The following ANK1 variants were observed in gnomAD, a reference collection of about 807,000 sequenced individuals.
The protein encoded by ANK1 is ankyrin 1, also known as ankyrin-1.
In ANK1, 51 loss-of-function variants were observed where a neutral mutation model predicts 210.4. The ratio of observed to expected loss-of-function variants is 0.24; its 90% confidence interval spans 0.19 to 0.31. The LOEUF (loss-of-function observed/expected upper bound fraction) is 0.31, where lower values mean the gene tolerates loss of function less well. ANK1 is among the 10% of genes least tolerant of loss of function. ANK1 has a pLI of 1.00. For missense variants in ANK1, 2,051 were observed against 2,504.4 expected (o/e 0.82, Z 3.86); for synonymous variants, 967 against 1,025.9 (o/e 0.94, Z 1.10).
At chr8:41,775,919 G>T (rs988106173) in intron 1 of ANK1, among the ~76,000 whole-genome samples, 39 of 152,184 alleles carry the variant, frequency 2.6e-4, no homozygotes, top group African/African-American at 9.2e-4. Flanking sequence ...TACAATGTGT[G>T]AGCCAGGTAT....
chr8:41,680,496 G>GA (rs1210535625), intron 37 of ANK1, among the ~76,000 whole-genome samples: 3 of 150,816 alleles, frequency 2.0e-5, no homozygotes, highest in African/African-American at 4.9e-5. Flanking sequence ...CCGGGAGGCA[G>GA]AGAGGTTGCA....
intron 1 of ANK1, among the ~76,000 whole-genome samples, chr8:41,875,972 C>A (rs569358151): frequency 5.9e-5 from 9 of 152,128 alleles, no homozygotes; most frequent in African/African-American, 2.2e-4. Context: ...ACTCGCACAC[C>A]TGCCCGCGCG....
chr8:41,714,174 G>A lies in ANK1; in HGVS notation c.1782C>T (p.Ser594=), dbSNP rs61753679. The A allele has an allele frequency of 2.1e-6, 3 of 1,443,270 alleles. No homozygotes were observed. The highest frequency in any genetic ancestry group is 4.9e-5 in the East Asian group (2 of 41,130). The allele number at this position is 1,443,270 out of a possible 1,614,324, so 89.4% of individuals were successfully genotyped here. ...IVKLLLPRGG[S]PHSPAWNGYT... The stretch of plus-strand genomic sequence containing the variant: ...GCCTTACCCAGGCAGGGCTGTGCGG[G>A]GAGCCGCCCCGGGGAAGCAGCAGCT... The change falls in exon 16 of 43, where the codon TCC becomes TCT. Residue 594 remains serine (S), a synonymous_variant. Transcript: ENST00000289734.
At chr8:41,718,010 C>T in intron 11 of ANK1, 96 bp downstream of exon 11, 1 of 1,195,626 alleles carries the variant, frequency 8.4e-7, no homozygotes. Flanking sequence ...ACACACACCC[C>T]TGCAGCCATA....
chr8:41,724,859 C>T (rs1011365085), intron 6 of ANK1, among the ~76,000 whole-genome samples: 1 of 152,064 alleles, frequency 6.6e-6, no homozygotes, highest in Admixed American at 6.6e-5. Context: ...GGGCTATGGT[C>T]TTTTTTTCCT....
Position 41,688,233 on chromosome 8 carries a change from G to A in ANK1, c.4184-3C>T, listed in dbSNP as rs1249459107. On this transcript the variant is annotated splice_polypyrimidine_tract_variant and splice_region_variant and intron_variant, in intron 34 of 42. Coordinates refer to ENST00000289734, the MANE Select transcript of ANK1 (RefSeq NM_000037.4). ...CTGCTCTGTCCCACTGAGAGAACCT[G>A]GGGAGAAGCATTAGATTTCATTTAG... is the stretch of plus-strand genomic sequence containing the variant. 2 of 1,613,980 alleles carry A rather than the reference G, an allele frequency of 1.2e-6. No individual in the cohort carries two copies. Among genetic ancestry groups the A allele is most frequent in the Admixed American group, 1.7e-5 (1 of 60,010 alleles).
chr8:41,727,366 A>G lies in ANK1; in HGVS notation c.328-18T>C, dbSNP rs1830965166. 1.9e-6 allele frequency: 3 copies of G among 1,582,124 alleles called. No individual in the cohort carries two copies. The highest frequency in any genetic ancestry group is 2.6e-6 in the Non-Finnish European group (3 of 1,151,332). On this transcript the variant is annotated intron_variant, in intron 4 of 42. Coordinates refer to ENST00000289734, the MANE Select transcript of ANK1 (RefSeq NM_000037.4). ...AAACCTTTCTGTAAACCAAGAGAGG[A>G]CATCATTAGCATCCACCCGCAATTT... is the stretch of plus-strand genomic sequence containing the variant.
At chr8:41,825,732 C>T (rs750544351) in intron 1 of ANK1, among the ~76,000 whole-genome samples, 5 of 152,130 alleles carry the variant, frequency 3.3e-5, no homozygotes, top group Non-Finnish European at 5.9e-5. Flanking sequence ...GGGAGGGACC[C>T]GGTGGGAGGT....
intron 37 of ANK1, among the ~76,000 whole-genome samples, chr8:41,678,015 C>T (rs1814759173): frequency 1.3e-5 from 2 of 152,198 alleles, no homozygotes; most frequent in Admixed American, 6.5e-5. Context: ...TTTGACCAGT[C>T]TGCTAATAAT....
intron 1 of ANK1, among the ~76,000 whole-genome samples, chr8:41,865,760 C>T (rs183924003): frequency 9.2e-5 from 14 of 152,210 alleles, no homozygotes; most frequent in Admixed American, 3.9e-4. Context: ...AGGTTCAGTC[C>T]GCTTCTTCCC....
At chr8:41,890,345 T>C (rs935040673) in intron 1 of ANK1, among the ~76,000 whole-genome samples, 3 of 152,226 alleles carry the variant, frequency 2.0e-5, no homozygotes, top group African/African-American at 7.2e-5. Flanking sequence ...GGTGGAGTTT[T>C]GAGCTTCTCA....
chr8:41,683,060 G>T (rs940944785), intron 37 of ANK1, among the ~76,000 whole-genome samples: 2 of 147,688 alleles, frequency 1.4e-5, no homozygotes, highest in Non-Finnish European at 2.9e-5. Context: ...GTATGCACAC[G>T]CACACACATG....
At chr8:41,772,761 C>G (rs1206675812) in intron 1 of ANK1, among the ~76,000 whole-genome samples, 1 of 152,228 alleles carries the variant, frequency 6.6e-6, no homozygotes, top group African/African-American at 2.4e-5. Flanking sequence ...CCAGCTGACC[C>G]GTTGGGCTCT....
In ANK1 at chr8:41,698,066, T is replaced by C. The variant is rs758431224; in HGVS notation, c.2614A>G (p.Ile872Val). 4 of 1,614,016 alleles carry C rather than the reference T, an allele frequency of 2.5e-6. No homozygotes were observed. The East Asian group carries it at 6.7e-5, about 27-fold the overall frequency. The stretch of plus-strand genomic sequence containing the variant: ...ACCTGCTCCTGCTCTTCTGACCTGA[T>C]CACCACTGTCTCAGGCATGGCACAG... ...IPCAMPETVVIRSEEQEQASK... is the reference protein window; with the variant it reads ...IPCAMPETVVVRSEEQEQASK... Residue 872 changes from isoleucine to valine, a missense_variant, in exon 24 of 43, where the codon ATC becomes GTC. By Grantham distance (29) the Ile-to-Val change is conservative. Transcript: ENST00000289734.
intron 2 of ANK1, among the ~76,000 whole-genome samples, chr8:41,753,609 G>A (rs892093621): frequency 6.6e-5 from 10 of 152,280 alleles, no homozygotes; most frequent in Non-Finnish European, 5.9e-5. Context: ...GCATGACACT[G>A]AGGTTTGGAG....
At chr8:41,837,099 A>G (rs1403207649) in intron 1 of ANK1, among the ~76,000 whole-genome samples, 1 of 152,208 alleles carries the variant, frequency 6.6e-6, no homozygotes, top group African/African-American at 2.4e-5. Flanking sequence ...TCCTCAATAA[A>G]TGTGTCTTTC....
At chr8:41,687,642 C>T (rs1262920902) in intron 35 of ANK1, among the ~76,000 whole-genome samples, 1 of 152,228 alleles carries the variant, frequency 6.6e-6, no homozygotes, top group Non-Finnish European at 1.5e-5. Context: ...AAGCCTCTTT[C>T]ACCGCTGCAA....
intron 1 of ANK1, among the ~76,000 whole-genome samples, chr8:41,830,981 A>G (rs1563864506): frequency 6.6e-6 from 1 of 152,176 alleles, no homozygotes; most frequent in Non-Finnish European, 1.5e-5. Context: ...TTATCAGTGC[A>G]TGGAGAGGCT....
chr8:41,884,815 G>C (rs549788484), intron 1 of ANK1, among the ~76,000 whole-genome samples: 1 of 152,288 alleles, frequency 6.6e-6, no homozygotes, highest in South Asian at 2.1e-4. Flanking sequence ...CTGGGAGACA[G>C]GGTGAGACCT....
Sources: allele counts gnomAD v4.1 joint callset (sites outside exome capture counted in the v4.1 genomes callset), GRCh38; gene constraint gnomAD v4.1.1; transcripts MANE v1.5; gene names NCBI Gene and HGNC (gene_info 2026-07-23, HGNC 2026-07-21).